PRDM16: variants seen among roughly 807,000 people sequenced by gnomAD.
The protein encoded by PRDM16 is histone-lysine N-methyltransferase PRDM16.
In PRDM16, 23 loss-of-function variants were observed where a neutral mutation model predicts 110.6. That is an observed-to-expected ratio of 0.21 (90% CI 0.15 to 0.29). The LOEUF is 0.29. Among genes scored for constraint, PRDM16 ranks in the 10% least tolerant of loss-of-function variants. The pLI is 1.00. For synonymous variants in PRDM16, 799 were observed against 781.8 expected (o/e 1.02, Z -0.37); for missense variants, 1,615 against 1,794.3 (o/e 0.90, Z 1.81).
intron 16 of PRDM16, 29 bp downstream of exon 16, chr1:3,432,169 C>A: frequency 1.3e-6 from 2 of 1,595,710 alleles, no homozygotes; most frequent in Non-Finnish European, 1.7e-6. Flanking sequence ...CCCTCCCCCA[C>A]CCCACCTGGC....
At chr1:3,328,781 G>T (rs1432161013) in intron 3 of PRDM16, among the ~76,000 whole-genome samples, 1 of 152,186 alleles carries the variant, frequency 6.6e-6, no homozygotes, top group Non-Finnish European at 1.5e-5. Context: ...CGCAGAATCT[G>T]CAGCCAGGTG....
At chr1:3,184,882 T>C (rs1644250538) in intron 1 of PRDM16, among the ~76,000 whole-genome samples, 1 of 151,758 alleles carries the variant, frequency 6.6e-6, no homozygotes, top group African/African-American at 2.4e-5. Flanking sequence ...AGGGCCGCCC[T>C]CCTCCTTGGG....
intron 1 of PRDM16, among the ~76,000 whole-genome samples, chr1:3,117,110 G>C (rs902080179): frequency 6.6e-6 from 1 of 152,174 alleles, no homozygotes; most frequent in Non-Finnish European, 1.5e-5. Context: ...TCCTCGGTGG[G>C]AGGAGCCCCT....
intron 1 of PRDM16, among the ~76,000 whole-genome samples, chr1:3,104,412 A>C (rs1642601858): frequency 6.6e-6 from 1 of 152,176 alleles, no homozygotes; most frequent in Non-Finnish European, 1.5e-5. Context: ...GCTGTTCTAG[A>C]AGCTCCAGTG....
intron 2 of PRDM16, among the ~76,000 whole-genome samples, chr1:3,216,817 G>A (rs1339569058): frequency 2.0e-5 from 3 of 152,214 alleles, no homozygotes; most frequent in Non-Finnish European, 2.9e-5. Context: ...GAACTGGAGG[G>A]GACAGGTTCC....
intron 3 of PRDM16, among the ~76,000 whole-genome samples, chr1:3,335,259 C>T (rs1024824564): frequency 1.3e-4 from 20 of 152,204 alleles, no homozygotes; most frequent in African/African-American, 4.3e-4. Context: ...AGCCAGATCA[C>T]CACACCGAGG....
intron 2 of PRDM16, among the ~76,000 whole-genome samples, chr1:3,235,603 C>T (rs770185363): frequency 6.6e-6 from 1 of 152,230 alleles, no homozygotes; most frequent in Non-Finnish European, 1.5e-5. Flanking sequence ...TGCCAGTCCC[C>T]ACACCAGGTC....
At chr1:3,344,275 C>G (rs1642323650) in intron 3 of PRDM16, among the ~76,000 whole-genome samples, 1 of 152,144 alleles carries the variant, frequency 6.6e-6, no homozygotes, top group Non-Finnish European at 1.5e-5. Context: ...GATCACGTCA[C>G]TGCCCTCCAG....
chr1:3,283,855 C>T (rs1640788040), intron 3 of PRDM16, among the ~76,000 whole-genome samples: 1 of 152,252 alleles, frequency 6.6e-6, no homozygotes, highest in Admixed American at 6.5e-5. Context: ...GACCAACATC[C>T]AAGCCTGCAA....
Position 3,435,704 on chromosome 1 carries a change from C to G in PRDM16, c.*1893C>G, listed in dbSNP as rs917777401. On this transcript the variant is annotated 3_prime_UTR_variant, in exon 17 of 17. Transcript: ENST00000270722. ...GGCTTTGTGTCACGCGTGGACATCTCCTCAGGCTGTCCCCAGCGGTGACGG... is the reference window on the plus strand; with the variant it reads ...GGCTTTGTGTCACGCGTGGACATCTGCTCAGGCTGTCCCCAGCGGTGACGG... The G allele has an allele frequency of 4.3e-6, 1 of 232,382 alleles. No homozygotes were observed. The highest frequency in any genetic ancestry group is 2.2e-5 in the African/African-American group (1 of 45,074). The allele number at this position is 232,382 out of a possible 1,614,324, so 14.4% of individuals were successfully genotyped here.
intron 7 of PRDM16, among the ~76,000 whole-genome samples, 161 bp from the exon 8 acceptor site, chr1:3,405,334 T>A (rs1042176736): frequency 6.6e-6 from 1 of 152,222 alleles, no homozygotes; most frequent in East Asian, 1.9e-4. Flanking sequence ...CAGCGGGTCC[T>A]TGCTACACAG....
chr1:3,104,358 G>C (rs780951748), intron 1 of PRDM16, among the ~76,000 whole-genome samples: 20 of 152,322 alleles, frequency 1.3e-4, no homozygotes, highest in Non-Finnish European at 2.5e-4. Context: ...GCTGGTGGGA[G>C]CTGGGAGGGG....
At chr1:3,363,428 C>T (rs1316203306) in intron 3 of PRDM16, among the ~76,000 whole-genome samples, 2 of 152,140 alleles carry the variant, frequency 1.3e-5, no homozygotes, top group Non-Finnish European at 2.9e-5. Flanking sequence ...GCTGCTGGTC[C>T]CTGGATGCTC....
At chr1:3,138,208 C>A (rs1446142988) in intron 1 of PRDM16, among the ~76,000 whole-genome samples, 1 of 152,236 alleles carries the variant, frequency 6.6e-6, no homozygotes, top group Non-Finnish European at 1.5e-5. Context: ...GGAGAGGCCG[C>A]ATCCCTCCCA....
At chr1:3,279,463 G>A (rs1640663348) in intron 3 of PRDM16, among the ~76,000 whole-genome samples, 3 of 152,246 alleles carry the variant, frequency 2.0e-5, no homozygotes, top group African/African-American at 4.8e-5. Context: ...CCTGCCCGGC[G>A]GCGTCAGTCT....
At chr1:3,176,954 AT>A (rs1644098322) in intron 1 of PRDM16, among the ~76,000 whole-genome samples, 1 of 151,586 alleles carries the variant, frequency 6.6e-6, no homozygotes, top group Non-Finnish European at 1.5e-5. Flanking sequence ...ATACCCATTC[AT>A]TCATTCATCC....
intron 3 of PRDM16, among the ~76,000 whole-genome samples, chr1:3,326,030 T>TTGGCCATCCTCGACCATCCTTGGCCCC (rs1641891138): frequency 1.6e-5 from 2 of 126,556 alleles, no homozygotes; most frequent in Admixed American, 1.6e-4. Context: ...TCCTTGGCCC[T>TTGGCCATCCTCGACCATCCTTGGCCCC]CCTTGGCCAT....
chr1:3,375,493 C>A (rs902727670), intron 3 of PRDM16, among the ~76,000 whole-genome samples: 1 of 152,224 alleles, frequency 6.6e-6, no homozygotes, highest in Non-Finnish European at 1.5e-5. Context: ...AGAGGTGCCA[C>A]GAAGGACGAG....
At chr1:3,241,262 G>C (rs886445359) in intron 2 of PRDM16, among the ~76,000 whole-genome samples, 1 of 152,260 alleles carries the variant, frequency 6.6e-6, no homozygotes, top group African/African-American at 2.4e-5. Flanking sequence ...TCGGGCGCCG[G>C]TTTCCTCTTC....
Sources: gnomAD v4.1 joint callset for allele counts (sites outside exome capture counted in the v4.1 genomes callset) on GRCh38, gnomAD v4.1.1 for gene constraint, MANE v1.5 for transcripts, NCBI Gene and HGNC (gene_info 2026-07-23, HGNC 2026-07-21) for gene names.